Variants in MTHFD1 observed in about 807,000 individuals in gnomAD.
MTHFD1 encodes C-1-tetrahydrofolate synthase, cytoplasmic.
A neutral mutation model predicts 110.3 loss-of-function variants in MTHFD1; 44 were observed. The ratio of observed to expected loss-of-function variants is 0.40; its 90% CI spans 0.31 to 0.51. The LOEUF (loss-of-function observed/expected upper bound fraction) is 0.51, where lower values mean the gene tolerates loss of function less well. Among genes scored for constraint, MTHFD1 ranks in the 20% least tolerant of loss-of-function variants. The pLI, the probability that MTHFD1 is intolerant of heterozygous loss-of-function variation, is 0.60. For missense variants in MTHFD1, 909 were observed against 1,173.1 expected (o/e 0.77, Z 3.29); for synonymous variants, 402 against 428.8 (o/e 0.94, Z 0.77).
In MTHFD1 at chr14:64,415,483, G is replaced by A. The variant is rs1259011656; in HGVS notation, c.366G>A (p.Lys122=). Residue 122 remains lysine, a synonymous_variant, in exon 5 of 28, where the codon AAG becomes AAA. Coordinates refer to ENST00000652337, the MANE Select transcript of MTHFD1 (RefSeq NM_005956.4). ...TGATCAATGCTATTGCACCCGAGAAGGATGTGGATGGGTAAGTGTGGCTTG... is the reference window on the plus strand; with the variant it reads ...TGATCAATGCTATTGCACCCGAGAAAGATGTGGATGGGTAAGTGTGGCTTG... ...EEVINAIAPE[K]DVDGLTSINA... 1 of 1,614,038 alleles carries A rather than the reference G, an allele frequency of 6.2e-7. No homozygotes were observed. Among genetic ancestry groups the A allele is most frequent in the Admixed American group, 1.7e-5 (1 of 59,994 alleles).
At chr14:64,406,655 A>C (rs1012831677) in intron 2 of MTHFD1, among the ~76,000 whole-genome samples, 2 of 151,696 alleles carry the variant, frequency 1.3e-5, no homozygotes, top group Non-Finnish European at 2.9e-5. Context: ...TAATTTTAGT[A>C]TTTGAGACAG....
rs559511129 is a variant in MTHFD1 at position 64,401,490 on chromosome 14, G to A, written c.126+613G>A. On this transcript the variant is annotated intron_variant, in intron 2 of 27. Transcript: ENST00000652337. ...GGCCGAGGTGGGCAGATCACCTGAGGTCAGGAGTTTGAGACCAGCCTGGCC... is the reference window on the plus strand; with the variant it reads ...GGCCGAGGTGGGCAGATCACCTGAGATCAGGAGTTTGAGACCAGCCTGGCC... Among the ~76,000 whole-genome samples, 4 of 152,276 alleles carry A rather than the reference G, an allele frequency of 2.6e-5. No homozygotes were observed. In the South Asian group the frequency reaches 8.3e-4, roughly 32 times the overall value.
chr14:64,402,635 A>AT (rs1354435812), intron 2 of MTHFD1, among the ~76,000 whole-genome samples: 1 of 152,082 alleles, frequency 6.6e-6, no homozygotes, highest in Non-Finnish European at 1.5e-5. Flanking sequence ...ACAAAGTGAG[A>AT]TCCCATCTCC....
chr14:64,388,448 GA>G lies in MTHFD1; in HGVS notation c.23del (p.Asn8ThrfsTer9). The G allele has an allele frequency of 6.2e-7, 1 of 1,614,078 alleles. No homozygotes were observed. The highest frequency in any genetic ancestry group is 8.5e-7 in the Non-Finnish European group (1 of 1,180,026). MAPAEILNGKEISAQIRA... is the reference protein window; with the variant it reads MAPAEILXGKEISAQIRA... ...AGGCCATGGCGCCAGCAGAAATCCTGAACGGGAAGGAGATCTCCGCGTAAGC... is the reference window on the plus strand; with the variant it reads ...AGGCCATGGCGCCAGCAGAAATCCTGACGGGAAGGAGATCTCCGCGTAAGC... On this transcript the variant is annotated frameshift_variant, in exon 1 of 28. Transcript: ENST00000652337. LOFTEE classifies it high-confidence loss of function.
intron 17 of MTHFD1, chr14:64,439,380 C>T: frequency 1.7e-6 from 1 of 591,952 alleles, no homozygotes; most frequent in South Asian, 2.0e-5. Context: ...TGTTTTTCCC[C>T]CGGCATTTTT....
chr14:64,423,883 T>G (rs994118986), intron 8 of MTHFD1, among the ~76,000 whole-genome samples: 1 of 151,618 alleles, frequency 6.6e-6, no homozygotes, highest in African/African-American at 2.4e-5. Context: ...CCCGCCACCA[T>G]GCCCAGCTAA....
chr14:64,459,959 G>A lies in MTHFD1; in HGVS notation c.*205G>A, dbSNP rs896368478. On this transcript the variant is annotated 3_prime_UTR_variant, in exon 28 of 28. Coordinates refer to ENST00000652337, the MANE Select transcript of MTHFD1 (RefSeq NM_005956.4). Reference sequence around the variant, plus strand: ...AAATTAACATAAATCATGCATGTCTGTTTACTTTAGTGACGTTCCACAGAA... The same window carrying A: ...AAATTAACATAAATCATGCATGTCTATTTACTTTAGTGACGTTCCACAGAA... 2.6e-6 allele frequency: 4 copies of A among 1,512,886 alleles called. No individual in the cohort carries two copies. Among genetic ancestry groups the A allele is most frequent in the Non-Finnish European group, 3.5e-6 (4 of 1,127,540 alleles). The allele number at this position is 1,512,886 out of a possible 1,614,324, so 93.7% of individuals were successfully genotyped here.
rs748645241 is a variant in MTHFD1, at chr14:64,416,246, AAAATAAAC to A, written c.478+511_478+518del. Reference sequence around the variant, plus strand: ...GGCAACAGAGCGAGACTCTGTCTCTAAAATAAACAAACAAACAAACAAACAAACAAAAC... The same window carrying A: ...GGCAACAGAGCGAGACTCTGTCTCTAAAACAAACAAACAAACAAACAAAAC... On this transcript the variant is annotated intron_variant, in intron 6 of 27. Transcript: ENST00000652337. Among the ~76,000 whole-genome samples the A allele has an allele frequency of 3.5e-4, 52 of 148,968 alleles. No homozygotes were observed. In the South Asian group the frequency reaches 3.8e-3, roughly 11 times the overall value.
Position 64,442,333 on chromosome 14 carries a change from C to T in MTHFD1, c.2067C>T (p.Gly689=), listed in dbSNP as rs771168798. 3.5e-5 allele frequency: 56 copies of T among 1,614,076 alleles called. No individual in the cohort carries two copies. Among genetic ancestry groups the T allele is most frequent in the Non-Finnish European group, 4.6e-5 (54 of 1,180,018 alleles). The change falls in exon 21 of 28, where the codon GGC becomes GGT. Residue 689 remains glycine, a synonymous_variant. Coordinates refer to ENST00000652337, the MANE Select transcript of MTHFD1 (RefSeq NM_005956.4). The part of the protein sequence containing the change: ...KFFNIKCRYS[G]LCPHVVVLVA... ...TTAACATCAAATGCCGGTATTCCGGCCTCTGCCCCCACGTGGTGGTGCTTG... is the reference window on the plus strand; with the variant it reads ...TTAACATCAAATGCCGGTATTCCGGTCTCTGCCCCCACGTGGTGGTGCTTG...
chr14:64,439,951 TA>T (rs560305454), intron 17 of MTHFD1, among the ~76,000 whole-genome samples, 174 bp from the exon 18 acceptor site: 1,127 of 83,000 alleles, frequency 0.014, 6 homozygotes, highest in South Asian at 0.033. Flanking sequence ...AATTAATTAA[TA>T]TATTTTTTTG....
intron 27 of MTHFD1, 71 bp downstream of exon 27, chr14:64,458,378 C>A: frequency 1.0e-6 from 1 of 989,554 alleles, no homozygotes; most frequent in Non-Finnish European, 1.6e-6. Flanking sequence ...AGGGCTCAAA[C>A]TGACGCTATA....
intron 7 of MTHFD1, among the ~76,000 whole-genome samples, chr14:64,418,748 G>A (rs971462458): frequency 9.2e-5 from 14 of 151,870 alleles, no homozygotes; most frequent in African/African-American, 2.2e-4. Flanking sequence ...TAGAGACAAG[G>A]TTTCTCCATG....
chr14:64,415,670 A>G lies in MTHFD1; in HGVS notation c.409A>G (p.Arg137Gly). Reference protein sequence around the residue: ...LTSINAGKLARGDLNDCFIPC... With the variant: ...LTSINAGKLAGGDLNDCFIPC... ...TAGCATCAATGCTGGGAAACTTGCT[A>G]GAGGTGACCTCAATGACTGTTTCAT... Residue 137 changes from arginine to glycine, a missense_variant, in exon 6 of 28, where the codon AGA becomes GGA. Arg to Gly is a moderately radical substitution (Grantham distance 125). Coordinates refer to ENST00000652337, the MANE Select transcript of MTHFD1 (RefSeq NM_005956.4). 6.2e-7 allele frequency: 1 copy of G among 1,613,398 alleles called. No homozygotes were observed. The highest frequency in any genetic ancestry group is 8.5e-7 in the Non-Finnish European group (1 of 1,179,342).
intron 12 of MTHFD1, among the ~76,000 whole-genome samples, chr14:64,429,574 T>C (rs930941769): frequency 1.3e-5 from 2 of 152,146 alleles, no homozygotes; most frequent in African/African-American, 4.8e-5. Context: ...GACACGATGC[T>C]CAAAGGACAT....
At chr14:64,420,024 T>C in intron 8 of MTHFD1, 99 bp downstream of exon 8, 1 of 879,374 alleles carries the variant, frequency 1.1e-6, no homozygotes, top group Middle Eastern at 2.2e-4. Flanking sequence ...ATTTTATGCT[T>C]GTAGTACTAA....
intron 8 of MTHFD1, among the ~76,000 whole-genome samples, chr14:64,421,772 C>T (rs996181295): frequency 1.9e-4 from 29 of 152,124 alleles, no homozygotes; most frequent in Non-Finnish European, 1.5e-4. Flanking sequence ...TACAGGCGCC[C>T]GCCACCACGC....
chr14:64,459,859 C>T lies in MTHFD1; in HGVS notation c.*105C>T. 6.5e-7 allele frequency: 1 copy of T among 1,536,036 alleles called. No homozygotes were observed. The highest frequency in any genetic ancestry group is 1.4e-5 in the African/African-American group (1 of 73,148). On this transcript the variant is annotated 3_prime_UTR_variant, in exon 28 of 28. Transcript: ENST00000652337. Reference sequence around the variant, plus strand: ...ATAAGTAAGCCAAGAGAAGTCAGCCCCTGCCCAGAAGATCTGAAACTAATA... The same window carrying T: ...ATAAGTAAGCCAAGAGAAGTCAGCCTCTGCCCAGAAGATCTGAAACTAATA...
At chr14:64,453,693 C>A in intron 24 of MTHFD1, 61 bp from the exon 25 acceptor site, 1 of 1,003,816 alleles carries the variant, frequency 1.0e-6, no homozygotes, top group Non-Finnish European at 1.6e-6. Flanking sequence ...TGGCTATGTC[C>A]TGGTTAAATG....
At chr14:64,414,135 C>T (rs900340612) in intron 4 of MTHFD1, among the ~76,000 whole-genome samples, 8 of 152,052 alleles carry the variant, frequency 5.3e-5, no homozygotes, top group Admixed American at 6.6e-5. Context: ...GCTGTGACTA[C>T]AGGCATGCGC....
Sources: gnomAD v4.1 joint callset for allele counts (sites outside exome capture counted in the v4.1 genomes callset) on GRCh38, gnomAD v4.1.1 for gene constraint, MANE v1.5 for transcripts, NCBI Gene and HGNC (gene_info 2026-07-23, HGNC 2026-07-21) for gene names.